Variants in SPAG16 observed in about 807,000 individuals in gnomAD.
SPAG16 encodes sperm-associated antigen 16 protein.
In SPAG16, 86 loss-of-function variants were observed where a neutral mutation model predicts 80.4. The observed-to-expected ratio is 1.07, with a 90% CI of 0.90 to 1.28. SPAG16 has a LOEUF of 1.28. SPAG16 is among the 50% of genes most tolerant of loss of function. The pLI is 0.00. For missense variants in SPAG16, 870 were observed against 765.3 expected, an observed-to-expected ratio of 1.14 and a Z score of -1.61; for synonymous variants, 294 against 265.9, an observed-to-expected ratio of 1.11 and a Z score of -1.03.
chr2:213,350,334 C>T (rs889494535), intron 6 of SPAG16, among the ~76,000 whole-genome samples, 194 bp from the exon 7 acceptor site: 2 of 152,334 alleles, frequency 1.3e-5, no homozygotes, highest in South Asian at 2.1e-4. Flanking sequence ...TCCCTCACTG[C>T]ACCCTCCACC....
intron 10 of SPAG16, among the ~76,000 whole-genome samples, chr2:213,719,057 A>G (rs2066390250): frequency 6.6e-6 from 1 of 152,044 alleles, no homozygotes. Context: ...GCACCAGGCG[A>G]CACTCGGTAT....
At chr2:213,803,847 C>T (rs1431705697) in intron 10 of SPAG16, among the ~76,000 whole-genome samples, 2 of 152,186 alleles carry the variant, frequency 1.3e-5, no homozygotes, top group East Asian at 3.8e-4. Context: ...CAGGGATCCT[C>T]CCACCTCAGT....
chr2:213,988,305 T>G (rs2046116833), intron 12 of SPAG16, among the ~76,000 whole-genome samples: 1 of 152,100 alleles, frequency 6.6e-6, no homozygotes. Context: ...TATACTTTCT[T>G]CTTAAGTATA....
rs1016029806 is a variant in SPAG16 at position 213,962,930 on chromosome 2, T to C, written c.1400+32785T>C. Among the ~76,000 whole-genome samples, 6 of 152,176 alleles carry C rather than the reference T, an allele frequency of 3.9e-5. No individual in the cohort carries two copies. In the South Asian group the frequency reaches 8.3e-4, roughly 21 times the overall value. On this transcript the variant is annotated intron_variant, in intron 12 of 15. Coordinates refer to ENST00000331683, the MANE Select transcript of SPAG16 (RefSeq NM_024532.5). ...TAATTTTAGTCTTCTCTGTTTTTTT[T>C]CCTCTGGTCAGTGTTACTAAAGATT...
At chr2:214,327,756 G>T (rs1276282082) in intron 15 of SPAG16, among the ~76,000 whole-genome samples, 1 of 151,626 alleles carries the variant, frequency 6.6e-6, no homozygotes, top group Non-Finnish European at 1.5e-5. Context: ...ACCATTAAGA[G>T]ATCCTGCATT....
intron 10 of SPAG16, among the ~76,000 whole-genome samples, chr2:213,607,435 C>T (rs1016421609): frequency 2.0e-5 from 3 of 152,168 alleles, no homozygotes; most frequent in Non-Finnish European, 4.4e-5. Context: ...CTCTGTACCT[C>T]CTCCTGTGAA....
rs148429176 is a variant in SPAG16, at chr2:213,417,347, T to C, written c.942+42228T>C. Among the ~76,000 whole-genome samples, 7 of 152,348 alleles carry C rather than the reference T, an allele frequency of 4.6e-5. No homozygotes were observed. The East Asian group carries it at 1.2e-3, about 25-fold the overall frequency. On this transcript the variant is annotated intron_variant, in intron 9 of 15. Transcript: ENST00000331683. Reference sequence around the variant, plus strand: ...TGCAAATGCCAGGACTTCTGACAACTGTTTAGTGTTTTTGCTTTCACAGCT... The same window carrying C: ...TGCAAATGCCAGGACTTCTGACAACCGTTTAGTGTTTTTGCTTTCACAGCT...
chr2:213,646,776 T>G (rs1251737907), intron 10 of SPAG16, among the ~76,000 whole-genome samples: 1 of 152,172 alleles, frequency 6.6e-6, no homozygotes, highest in African/African-American at 2.4e-5. Context: ...GGGGATAATC[T>G]CTCCTGTGTA....
chr2:213,993,102 G>T (rs78183217), intron 12 of SPAG16, among the ~76,000 whole-genome samples: 4,828 of 152,248 alleles, frequency 0.032, 240 homozygotes, highest in African/African-American at 0.11. Context: ...CTGTCTCATT[G>T]AAACAGAAGA....
At chr2:214,277,057 C>T (rs997248315) in intron 15 of SPAG16, among the ~76,000 whole-genome samples, 1 of 152,022 alleles carries the variant, frequency 6.6e-6, no homozygotes, top group Non-Finnish European at 1.5e-5. Flanking sequence ...TCACTGATAG[C>T]CTTTCTTCCA....
chr2:213,377,635 TCCTCTTACTTTTTC>T lies in SPAG16; in HGVS notation c.942+2532_942+2545del, dbSNP rs548363931. Among the ~76,000 whole-genome samples the T allele has an allele frequency of 3.4e-3, 511 of 152,266 alleles. 1 individual carries two copies. The highest frequency in any genetic ancestry group is 5.8e-3 in the African/African-American group (243 of 41,556). Reference sequence around the variant, plus strand: ...GGTGTGTGGCCGTTCGTAAATCTTTTCCTCTTACTTTTTCCCTCTTACTTTTTCCTCTTACTTTT... The same window carrying T: ...GGTGTGTGGCCGTTCGTAAATCTTTTCCTCTTACTTTTTCCTCTTACTTTT... On this transcript the variant is annotated intron_variant, in intron 9 of 15. Transcript: ENST00000331683.
chr2:214,173,933 AT>A (rs2056976479), intron 15 of SPAG16, among the ~76,000 whole-genome samples: 1 of 151,728 alleles, frequency 6.6e-6, no homozygotes, highest in African/African-American at 2.4e-5. Flanking sequence ...ATGCAAATCA[AT>A]AAATGTAATC....
chr2:213,468,401 A>G (rs1370936478), intron 9 of SPAG16, among the ~76,000 whole-genome samples: 4 of 144,926 alleles, frequency 2.8e-5, no homozygotes, highest in African/African-American at 1.0e-4. Flanking sequence ...ATATATATAT[A>G]TCTATGTATT....
intron 10 of SPAG16, among the ~76,000 whole-genome samples, chr2:213,514,122 A>G (rs905881050): frequency 2.6e-5 from 4 of 152,154 alleles, no homozygotes; most frequent in African/African-American, 9.7e-5. Flanking sequence ...GGAGTGCCCA[A>G]ACAGGATTAT....
At chr2:214,319,200 C>CACCACACACACACACACACACACA (rs140486125) in intron 15 of SPAG16, among the ~76,000 whole-genome samples, 10 of 142,242 alleles carry the variant, frequency 7.0e-5, no homozygotes, top group Non-Finnish European at 1.2e-4. Context: ...CACACACACA[C>CACCACACACACACACACACACACA]CACACACACA....
intron 13 of SPAG16, 55 bp downstream of exon 13, chr2:214,014,132 G>T (rs1415824878): frequency 3.8e-6 from 6 of 1,596,470 alleles, no homozygotes; most frequent in Non-Finnish European, 5.1e-6. Flanking sequence ...ATTACTCTCG[G>T]TCATTCTTTG....
Position 213,841,268 on chromosome 2 carries a change from T to A in SPAG16, c.1071-21217T>A, listed in dbSNP as rs555191570. On this transcript the variant is annotated intron_variant, in intron 10 of 15. Transcript: ENST00000331683. ...CAATGAACACATAGAAAGACTTAAGTTGGCAAGATCATTTTTTCACTTGGT... is the reference window on the plus strand; with the variant it reads ...CAATGAACACATAGAAAGACTTAAGATGGCAAGATCATTTTTTCACTTGGT... Among the ~76,000 whole-genome samples the A allele has an allele frequency of 7.2e-5, 11 of 152,272 alleles. No homozygotes were observed. In the East Asian group the frequency reaches 1.7e-3, roughly 24 times the overall value.
chr2:214,124,048 A>T (rs2054355558), intron 14 of SPAG16, among the ~76,000 whole-genome samples: 1 of 151,996 alleles, frequency 6.6e-6, no homozygotes, highest in African/African-American at 2.4e-5. Context: ...AGAAGCACTA[A>T]TCAATAAATA....
At chr2:214,084,438 A>G (rs143904882) in intron 13 of SPAG16, among the ~76,000 whole-genome samples, 133 of 152,312 alleles carry the variant, frequency 8.7e-4, no homozygotes, top group African/African-American at 3.1e-3. Context: ...CACACCTTAC[A>G]ACATGAACTC....
Sources: allele counts gnomAD v4.1 joint callset (sites outside exome capture counted in the v4.1 genomes callset), GRCh38; gene constraint gnomAD v4.1.1; transcripts MANE v1.5; gene names NCBI Gene and HGNC (gene_info 2026-07-23, HGNC 2026-07-21).